NEDD4L: variants seen among roughly 807,000 people sequenced by gnomAD.
NEDD4L encodes E3 ubiquitin-protein ligase NEDD4-like.
In NEDD4L, 54 loss-of-function variants were observed where a neutral mutation model predicts 148.9. That is an observed-to-expected ratio of 0.36 (90% CI 0.29 to 0.45). The LOEUF (loss-of-function observed/expected upper bound fraction) is 0.45. NEDD4L is among the 20% of genes least tolerant of loss of function. The pLI, the probability that NEDD4L is intolerant of heterozygous loss-of-function variation, is 1.00. For missense variants in NEDD4L, 856 were observed against 1,233.8 expected (o/e 0.69, Z 4.59); for synonymous variants, 433 against 440.7 (o/e 0.98, Z 0.22).
chr18:58,325,317 A>T lies in NEDD4L; in HGVS notation c.680+155A>T, dbSNP rs891941319. Among the ~76,000 whole-genome samples the T allele has an allele frequency of 2.0e-5, 3 of 152,372 alleles. No individual in the cohort carries two copies. In the South Asian group the frequency reaches 6.2e-4, roughly 32 times the overall value. ...AGATTCCTCTCCATTTACGTAAAGC[A>T]TGCAAGAGCAGTCAGAACTTGTATA... On this transcript the variant is annotated intron_variant, in intron 9 of 30. Coordinates refer to ENST00000400345, the MANE Select transcript of NEDD4L (RefSeq NM_001144967.3).
intron 4 of NEDD4L, among the ~76,000 whole-genome samples, chr18:58,250,139 G>T (rs866519350): frequency 4.5e-4 from 68 of 151,790 alleles, no homozygotes; most frequent in Admixed American, 3.9e-3. Context: ...GGTTTTTTTT[G>T]TTTGTTTGTT....
chr18:58,052,374 G>T (rs1007689758), intron 1 of NEDD4L, among the ~76,000 whole-genome samples: 1 of 152,176 alleles, frequency 6.6e-6, no homozygotes. Flanking sequence ...GCTGATTATT[G>T]TAATCCCTTT....
chr18:58,259,788 T>C (rs536747955), intron 5 of NEDD4L, among the ~76,000 whole-genome samples: 11 of 152,340 alleles, frequency 7.2e-5, no homozygotes, highest in African/African-American at 2.6e-4. Flanking sequence ...GAGAGCGTTC[T>C]TTCAGCTCAA....
intron 1 of NEDD4L, among the ~76,000 whole-genome samples, chr18:58,164,332 A>G (rs535171804): frequency 3.9e-5 from 6 of 152,160 alleles, no homozygotes; most frequent in Non-Finnish European, 8.8e-5. Flanking sequence ...AAAGCAATTG[A>G]TAAGTTACTA....
intron 2 of NEDD4L, chr18:58,194,043 C>G (rs1327698334): frequency 6.6e-6 from 1 of 152,218 alleles, no homozygotes; most frequent in African/African-American, 2.4e-5. Flanking sequence ...GGGAAGAGAA[C>G]TTTTACGCTC....
chr18:58,044,400 G>C lies in NEDD4L; in HGVS notation c.-261G>C, dbSNP rs1187622090. Reference sequence around the variant, plus strand: ...GCCGCGCGCAGTGAGAGGCGCCGGGGCTGCCGCCCGGTGCTCGGCGCGCTC... The same window carrying C: ...GCCGCGCGCAGTGAGAGGCGCCGGGCCTGCCGCCCGGTGCTCGGCGCGCTC... On this transcript the variant is annotated 5_prime_UTR_variant, in exon 1 of 31. Coordinates refer to ENST00000400345, the MANE Select transcript of NEDD4L (RefSeq NM_001144967.3). 3 of 246,246 alleles carry C rather than the reference G, an allele frequency of 1.2e-5. No individual in the cohort carries two copies. In the East Asian group the frequency reaches 2.5e-4, roughly 21 times the overall value. The allele number at this position is 246,246 out of a possible 1,614,324, so 15.3% of individuals were successfully genotyped here.
At chr18:58,073,931 C>T (rs962901883) in intron 1 of NEDD4L, among the ~76,000 whole-genome samples, 1 of 152,146 alleles carries the variant, frequency 6.6e-6, no homozygotes, top group Non-Finnish European at 1.5e-5. Flanking sequence ...ATTAGTAAAG[C>T]GGTGCATTAA....
intron 19 of NEDD4L, chr18:58,357,583 C>A (rs2044855321): frequency 2.1e-6 from 1 of 480,242 alleles, no homozygotes; most frequent in East Asian, 5.3e-5. Flanking sequence ...CAAGCCCTAT[C>A]TTCATAAAGT....
At chr18:58,088,575 C>G (rs1014816623) in intron 1 of NEDD4L, among the ~76,000 whole-genome samples, 1 of 152,070 alleles carries the variant, frequency 6.6e-6, no homozygotes, top group African/African-American at 2.4e-5. Flanking sequence ...ATGTATATGC[C>G]CTCTGCTTTT....
chr18:58,333,905 A>G lies in NEDD4L; in HGVS notation c.1065+13A>G. The G allele has an allele frequency of 6.3e-7, 1 of 1,595,794 alleles. No homozygotes were observed. On this transcript the variant is annotated intron_variant, in intron 12 of 30. Transcript: ENST00000400345. ...CCATCTACCACCGGTAACCCATGCT[A>G]ATTTCCAGTCATCAGTTGACTTTTT...
chr18:58,167,583 T>C (rs1042310629), intron 2 of NEDD4L, among the ~76,000 whole-genome samples: 1 of 152,186 alleles, frequency 6.6e-6, no homozygotes, highest in African/African-American at 2.4e-5. Flanking sequence ...TCATTTTAGC[T>C]TTTGCAGATG....
At chr18:58,230,236 T>C (rs2044974677) in intron 2 of NEDD4L, among the ~76,000 whole-genome samples, 1 of 152,208 alleles carries the variant, frequency 6.6e-6, no homozygotes, top group African/African-American at 2.4e-5. Context: ...CCAAAGTTAG[T>C]CCTCAAACAT....
chr18:58,305,043 G>A (rs2056912064), intron 5 of NEDD4L, among the ~76,000 whole-genome samples: 1 of 152,116 alleles, frequency 6.6e-6, no homozygotes, highest in South Asian at 2.1e-4. Flanking sequence ...TCCAAACAGG[G>A]GCAGCCAGAA....
intron 1 of NEDD4L, among the ~76,000 whole-genome samples, chr18:58,065,240 C>T (rs573373972): frequency 9.8e-5 from 15 of 152,340 alleles, no homozygotes; most frequent in African/African-American, 2.9e-4. Context: ...TCTTTCCAAT[C>T]TTTAGCAACG....
chr18:58,131,584 T>C (rs1273602888), intron 1 of NEDD4L, among the ~76,000 whole-genome samples: 1 of 151,528 alleles, frequency 6.6e-6, no homozygotes, highest in East Asian at 1.9e-4. Flanking sequence ...TGGTTGGTTG[T>C]GATCTAGTGG....
chr18:58,202,648 C>T (rs2041545891), intron 2 of NEDD4L, among the ~76,000 whole-genome samples: 1 of 152,254 alleles, frequency 6.6e-6, no homozygotes, highest in African/African-American at 2.4e-5. Flanking sequence ...CACCAGCCTC[C>T]CCCTGGAAGG....
At chr18:58,262,963 G>C (rs1196782073) in intron 5 of NEDD4L, among the ~76,000 whole-genome samples, 1 of 152,160 alleles carries the variant, frequency 6.6e-6, no homozygotes, top group African/African-American at 2.4e-5. Context: ...CAAGAAGCCT[G>C]TTTTTTATGC....
At chr18:58,182,033 A>AT (rs1256680956) in intron 2 of NEDD4L, among the ~76,000 whole-genome samples, 1 of 152,108 alleles carries the variant, frequency 6.6e-6, no homozygotes, top group Non-Finnish European at 1.5e-5. Flanking sequence ...GGCAGCAACA[A>AT]TTTTTAATTT....
At chr18:58,161,987 T>G (rs2036275154) in intron 1 of NEDD4L, among the ~76,000 whole-genome samples, 1 of 152,308 alleles carries the variant, frequency 6.6e-6, no homozygotes, top group East Asian at 1.9e-4. Context: ...TTCTGTGGAA[T>G]AGCTAGCATG....
Sources: gnomAD v4.1 joint callset for allele counts (sites outside exome capture counted in the v4.1 genomes callset) on GRCh38, gnomAD v4.1.1 for gene constraint, MANE v1.5 for transcripts, NCBI Gene and HGNC (gene_info 2026-07-23, HGNC 2026-07-21) for gene names.